Variants in BICRAL observed in about 807,000 individuals in gnomAD.
BICRAL encodes the protein BRD4-interacting chromatin-remodeling complex-associated protein-like.
BICRAL carries 8 observed loss-of-function variants against 91.8 expected under a neutral mutation model. That is an observed-to-expected ratio of 0.09 (90% CI 0.05 to 0.16). The LOEUF is 0.16. BICRAL is among the 10% of genes least tolerant of loss of function. BICRAL has a pLI of 1.00. For synonymous variants in BICRAL, 445 were observed against 491.1 expected (o/e 0.91, Z 1.24); for missense variants, 1,038 against 1,310.9 (o/e 0.79, Z 3.21).
intron 1 of BICRAL, among the ~76,000 whole-genome samples, chr6:42,807,869 A>G (rs1331719042): frequency 6.6e-6 from 1 of 152,096 alleles, no homozygotes; most frequent in East Asian, 1.9e-4. Context: ...TATATTTATA[A>G]TTCATCAGGA....
chr6:42,824,108 G>A (rs111936814), intron 5 of BICRAL, among the ~76,000 whole-genome samples: 2,181 of 151,884 alleles, frequency 0.014, 48 homozygotes, highest in African/African-American at 0.05. Flanking sequence ...GCGCGTGCCT[G>A]TAATCCCAGC....
chr6:42,854,160 A>G (rs1435939942), intron 8 of BICRAL, among the ~76,000 whole-genome samples: 1 of 152,080 alleles, frequency 6.6e-6, no homozygotes, highest in Non-Finnish European at 1.5e-5. Flanking sequence ...GGCCATCCCT[A>G]CGGTCTTTTG....
At chr6:42,750,689 C>T (rs552741393) in intron 1 of BICRAL, among the ~76,000 whole-genome samples, 6 of 152,064 alleles carry the variant, frequency 3.9e-5, no homozygotes, top group African/African-American at 1.2e-4. Flanking sequence ...GATTCTCATG[C>T]CTCAGCCTCC....
At chr6:42,822,175 A>T in intron 3 of BICRAL, 112 bp downstream of exon 3, 1 of 643,846 alleles carries the variant, frequency 1.6e-6, no homozygotes. Flanking sequence ...AAAATTAAAT[A>T]ATAATCATAG....
At chr6:42,783,838 C>T (rs867117856) in intron 1 of BICRAL, among the ~76,000 whole-genome samples, 1 of 152,214 alleles carries the variant, frequency 6.6e-6, no homozygotes, top group African/African-American at 2.4e-5. Flanking sequence ...GTGAGGCGCT[C>T]CTGCCATTTT....
At chr6:42,854,574 G>A (rs1765286353) in intron 8 of BICRAL, among the ~76,000 whole-genome samples, 1 of 152,134 alleles carries the variant, frequency 6.6e-6, no homozygotes, top group Admixed American at 6.6e-5. Flanking sequence ...CTGTGCTGCA[G>A]TGGTGTGATC....
chr6:42,779,223 A>AACACACACACACACACAC, upstream of BICRAL, among the ~76,000 whole-genome samples: 1 of 132,524 alleles, frequency 7.5e-6, no homozygotes, highest in African/African-American at 2.8e-5. Flanking sequence ...TCTCAAGAAA[A>AACACACACACACACACAC]ACACACACAC....
intron 6 of BICRAL, among the ~76,000 whole-genome samples, chr6:42,831,982 G>A (rs1019355536): frequency 6.6e-6 from 1 of 151,682 alleles, no homozygotes; most frequent in South Asian, 2.1e-4. Flanking sequence ...CCAGTGATCT[G>A]CCCGCCTCGA....
intron 2 of BICRAL, among the ~76,000 whole-genome samples, chr6:42,814,519 A>ATATATTTTTT (rs1237976324): frequency 2.4e-4 from 19 of 80,206 alleles, no homozygotes; most frequent in Admixed American, 4.7e-4. Flanking sequence ...ATATATATAT[A>ATATATTTTTT]TTTTTTTTTT....
In BICRAL at chr6:42,855,343, C is replaced by T. The variant is rs527773334; in HGVS notation, c.2047-513C>T. Among the ~76,000 whole-genome samples, 5 of 152,272 alleles carry T rather than the reference C, an allele frequency of 3.3e-5. No homozygotes were observed. The South Asian group carries it at 1.0e-3, about 32-fold the overall frequency. On this transcript the variant is annotated intron_variant, in intron 8 of 12. Transcript: ENST00000314073. ...ATGGCTTGAGTCCAGGAGTTCGAGA[C>T]AAGCCTGGAAAATATGGCAAAACTC... is the stretch of plus-strand genomic sequence containing the variant.
chr6:42,779,729 G>A (rs143533395), upstream of BICRAL, among the ~76,000 whole-genome samples: 5 of 152,162 alleles, frequency 3.3e-5, no homozygotes, highest in South Asian at 4.1e-4. Context: ...AGCGATTCTC[G>A]TGCCTCAGCC....
intron 1 of BICRAL, among the ~76,000 whole-genome samples, chr6:42,774,938 CT>C (rs1332971106): frequency 4.5e-4 from 65 of 144,294 alleles, no homozygotes; most frequent in Non-Finnish European, 4.4e-4. Flanking sequence ...AGAGTGGTTC[CT>C]TTTTTTTTTT....
chr6:42,747,650 G>A (rs71560779), intron 1 of BICRAL, among the ~76,000 whole-genome samples: 1 of 152,216 alleles, frequency 6.6e-6, no homozygotes, highest in Non-Finnish European at 1.5e-5. Context: ...GGGCAGGGGA[G>A]AGGCTTGTGT....
upstream of BICRAL, among the ~76,000 whole-genome samples, chr6:42,746,713 C>T (rs1199265137): frequency 7.2e-5 from 11 of 152,152 alleles, 1 homozygote; most frequent in East Asian, 1.9e-3. Flanking sequence ...TCATCCTTAC[C>T]GCCCCCCTCC....
rs528255652 is a variant in BICRAL at position 42,766,538 on chromosome 6, T to C, written c.-260-15301T>C. On this transcript the variant is annotated intron_variant, in intron 1 of 14. Transcript: ENST00000614467. Reference sequence around the variant, plus strand: ...CCTGTAATGTGCTTGTGAGTCATAATTGCAATTGTAGAAAGAGAAAGAGGC... The same window carrying C: ...CCTGTAATGTGCTTGTGAGTCATAACTGCAATTGTAGAAAGAGAAAGAGGC... Among the ~76,000 whole-genome samples the C allele has an allele frequency of 1.1e-4, 16 of 152,292 alleles. No individual in the cohort carries two copies. The South Asian group carries it at 3.3e-3, about 32-fold the overall frequency.
chr6:42,780,590 A>ATCCGTC (rs1374903056), upstream of BICRAL, among the ~76,000 whole-genome samples: 3 of 152,194 alleles, frequency 2.0e-5, no homozygotes, highest in African/African-American at 7.2e-5. Context: ...CCTGAATTAC[A>ATCCGTC]TTCTGTACAA....
chr6:42,771,506 G>A (rs1381046671), intron 1 of BICRAL, among the ~76,000 whole-genome samples: 2 of 148,312 alleles, frequency 1.3e-5, no homozygotes, highest in East Asian at 2.0e-4. Context: ...GGGTGGTGGG[G>A]GGGTCCTGTC....
chr6:42,785,510 G>A (rs527789668), intron 1 of BICRAL, among the ~76,000 whole-genome samples: 169 of 148,714 alleles, frequency 1.1e-3, no homozygotes, highest in Non-Finnish European at 1.8e-3. Flanking sequence ...GCAGTGGCCC[G>A]AGACCCCACC....
At position 42,767,248 on chromosome 6, in the gene BICRAL, CTGTT is replaced by C. The variant is rs142483858; in HGVS notation, c.-260-14588_-260-14585del. On this transcript the variant is annotated intron_variant, in intron 1 of 14. Coordinates refer to the BICRAL transcript ENST00000614467. ...CTGTGTTGTATGTGTGTGGATTTGT[CTGTT>C]TGCTTATTAATTCCAGTGCTTTTTT... Among the ~76,000 whole-genome samples, 810 of 152,180 alleles carry C rather than the reference CTGTT, an allele frequency of 5.3e-3. 3 individuals carry two copies. The highest frequency in any genetic ancestry group is 0.019 in the African/African-American group (773 of 41,508).
Sources: allele counts gnomAD v4.1 joint callset (sites outside exome capture counted in the v4.1 genomes callset), GRCh38; gene constraint gnomAD v4.1.1; transcripts MANE v1.5; gene names NCBI Gene and HGNC (gene_info 2026-07-23, HGNC 2026-07-21).